Variants in SEC63 observed in about 807,000 individuals in gnomAD.
The protein encoded by SEC63 is translocation protein SEC63 homolog.
A neutral mutation model predicts 116.2 loss-of-function variants in SEC63; 56 were observed. That is an observed-to-expected ratio of 0.48 (90% CI 0.39 to 0.60). The LOEUF (loss-of-function observed/expected upper bound fraction) is 0.60. Ranked by LOEUF, SEC63 falls within the 20% of genes least tolerant of loss-of-function variation. The probability of loss-of-function intolerance (pLI) is 0.00; values close to 1 mark genes in which losing one functional copy is unlikely to be tolerated. For synonymous variants in SEC63, 273 were observed against 294.6 expected (o/e 0.93, Z 0.75); for missense variants, 668 against 900.0 (o/e 0.74, Z 3.30).
chr6:107,912,631 G>C, intron 6 of SEC63, 85 bp downstream of exon 6: 1 of 793,438 alleles, frequency 1.3e-6, no homozygotes, highest in Non-Finnish European at 2.2e-6. Flanking sequence ...CTTTGTAATA[G>C]TTCTTCTTGT....
At chr6:107,906,415 C>G in intron 10 of SEC63, 33 bp downstream of exon 10, 1 of 1,612,198 alleles carries the variant, frequency 6.2e-7, no homozygotes, top group Non-Finnish European at 8.5e-7. Flanking sequence ...TTTCATCCCA[C>G]TAAACCTCTG....
chr6:107,933,682 CT>C (rs1787860704), intron 1 of SEC63, among the ~76,000 whole-genome samples: 1 of 151,512 alleles, frequency 6.6e-6, no homozygotes, highest in Non-Finnish European at 1.5e-5. Flanking sequence ...GCCCCTGCCC[CT>C]GCCCCTGCCC....
intron 1 of SEC63, among the ~76,000 whole-genome samples, chr6:107,951,800 C>T (rs1275703886): frequency 6.6e-6 from 1 of 151,734 alleles, no homozygotes; most frequent in Non-Finnish European, 1.5e-5. Flanking sequence ...TGGCTAACCC[C>T]GTCTCTACTA....
chr6:107,941,247 G>C (rs1283557694), intron 1 of SEC63, among the ~76,000 whole-genome samples: 1 of 152,048 alleles, frequency 6.6e-6, no homozygotes, highest in East Asian at 1.9e-4. Flanking sequence ...AATTCATAAA[G>C]AAAATTTGAG....
At chr6:107,956,608 T>C (rs1307526622) in intron 1 of SEC63, among the ~76,000 whole-genome samples, 2 of 152,240 alleles carry the variant, frequency 1.3e-5, no homozygotes, top group East Asian at 1.9e-4. Context: ...TTTTTGCATC[T>C]AATGGATTTT....
At chr6:107,925,620 A>C (rs1787658115) in intron 2 of SEC63, among the ~76,000 whole-genome samples, 1 of 152,216 alleles carries the variant, frequency 6.6e-6, no homozygotes, top group African/African-American at 2.4e-5. Flanking sequence ...AAAGATTAAC[A>C]TTACCAGCAC....
At chr6:107,902,230 T>C (rs1257800150) in intron 12 of SEC63, among the ~76,000 whole-genome samples, 1 of 152,180 alleles carries the variant, frequency 6.6e-6, no homozygotes, top group African/African-American at 2.4e-5. Context: ...AGAACTCTGA[T>C]ACTAATTTCC....
chr6:107,880,973 G>T lies in SEC63; in HGVS notation c.1935+176C>A, dbSNP rs73499115. Reference sequence around the variant, plus strand: ...TAACAATCTCTTTTATAAGCAACACGTTCACTAAGTATAATACCTATTGTA... The same window carrying T: ...TAACAATCTCTTTTATAAGCAACACTTTCACTAAGTATAATACCTATTGTA... On this transcript the variant is annotated intron_variant, in intron 18 of 20. Coordinates refer to ENST00000369002, the MANE Select transcript of SEC63 (RefSeq NM_007214.5). The T allele has an allele frequency of 9.4e-4, 532 of 566,172 alleles. 1 individual carries two copies. The highest frequency in any genetic ancestry group is 2.4e-3 in the Middle Eastern group (5 of 2,072). 35.1% of individuals were successfully genotyped at this position (566,172 alleles called of 1,614,324 possible). A position where few individuals can be genotyped will look rare whatever the true frequency, so the allele number is the denominator to read the frequency against.
rs571751562 is a variant in SEC63 at position 107,929,478 on chromosome 6, C to G, written c.161G>C (p.Gly54Ala). 1.2e-6 allele frequency: 2 copies of G among 1,600,464 alleles called. No individual in the cohort carries two copies. Among genetic ancestry groups the G allele is most frequent in the South Asian group, 2.2e-5 (2 of 90,804 alleles). The change falls in exon 2 of 21, where the codon GGA (glycine) becomes GCA (alanine). Residue 54 changes from glycine to alanine, a missense_variant. By Grantham distance (60) the Gly-to-Ala change is moderately conservative. This residue lies in a region of SEC63 where 142 missense variants were observed against 169.5 expected (regional missense o/e 0.84). Transcript: ENST00000369002. Reference sequence around the variant, plus strand: ...CCGTAAACGATACCACATACACCTTCCATATACTTTTCTGATATTCTTTAA... The same window carrying G: ...CCGTAAACGATACCACATACACCTTGCATATACTTTTCTGATATTCTTTAA... ...IRLKNIRKVY[G>A]RCMWYRLRLL...
chr6:107,905,849 A>G (rs1206373546), intron 10 of SEC63, among the ~76,000 whole-genome samples: 1 of 60,108 alleles, frequency 1.7e-5, no homozygotes, highest in African/African-American at 3.6e-5. Flanking sequence ...AACACTTGCC[A>G]AAACGTCTGA....
chr6:107,874,927 C>G (rs1431108038), intron 19 of SEC63, among the ~76,000 whole-genome samples: 1 of 152,212 alleles, frequency 6.6e-6, no homozygotes, highest in Non-Finnish European at 1.5e-5. Flanking sequence ...TTGAGGAAAT[C>G]TGAATACAGA....
chr6:107,883,361 A>T (rs1344892604), intron 16 of SEC63: 1 of 534,582 alleles, frequency 1.9e-6, no homozygotes, highest in Non-Finnish European at 3.3e-6. Flanking sequence ...GTCTATTGTT[A>T]GTTATTTTAT....
At chr6:107,935,948 T>C (rs1770237055) in intron 1 of SEC63, among the ~76,000 whole-genome samples, 1 of 152,248 alleles carries the variant, frequency 6.6e-6, no homozygotes, top group Non-Finnish European at 1.5e-5. Flanking sequence ...TTTCTGATTT[T>C]CATGGTTTAG....
At chr6:107,875,507 G>A (rs1266523181) in intron 19 of SEC63, among the ~76,000 whole-genome samples, 2 of 152,120 alleles carry the variant, frequency 1.3e-5, no homozygotes, top group South Asian at 4.1e-4. Context: ...GACCAGCCTA[G>A]GCAACATGGG....
At chr6:107,871,951 A>C (rs1786144601) in intron 20 of SEC63, 104 bp from the exon 21 acceptor site, 3 of 1,095,618 alleles carry the variant, frequency 2.7e-6, no homozygotes, top group Admixed American at 1.9e-5. Context: ...TTACAAAGAA[A>C]TAGTTTTTTA....
At chr6:107,885,177 AAAGG>A (rs1025906223) in intron 16 of SEC63, among the ~76,000 whole-genome samples, 43 of 151,880 alleles carry the variant, frequency 2.8e-4, no homozygotes, top group Non-Finnish European at 4.6e-4. Context: ...AGTGAGGCAG[AAAGG>A]AAGAAAGAAA....
chr6:107,897,187 G>C (rs935654254), intron 14 of SEC63, among the ~76,000 whole-genome samples: 2 of 152,026 alleles, frequency 1.3e-5, no homozygotes, highest in Non-Finnish European at 2.9e-5. Context: ...GTTTTAATTT[G>C]TTCCTATACT....
chr6:107,882,488 A>G (rs1460381389), intron 17 of SEC63, among the ~76,000 whole-genome samples: 1 of 152,172 alleles, frequency 6.6e-6, no homozygotes, highest in African/African-American at 2.4e-5. Context: ...TGTCCTTAAT[A>G]TATCTTATAT....
At chr6:107,942,062 T>C (rs1351194428) in intron 1 of SEC63, among the ~76,000 whole-genome samples, 1 of 152,216 alleles carries the variant, frequency 6.6e-6, no homozygotes, top group Non-Finnish European at 1.5e-5. Context: ...TGACTACTAA[T>C]AACCAAATGA....
Sources: gnomAD v4.1 joint callset for allele counts (sites outside exome capture counted in the v4.1 genomes callset) on GRCh38, gnomAD v4.1.1 for gene constraint, gnomAD v4.1.1 regional missense constraint, MANE v1.5 for transcripts, NCBI Gene and HGNC (gene_info 2026-07-23, HGNC 2026-07-21) for gene names.